Variants in FRMPD3 observed in about 807,000 individuals in gnomAD.
FRMPD3 encodes the protein FERM and PDZ domain-containing protein 3.
FRMPD3 carries 42 observed loss-of-function variants against 97.9 expected under a neutral mutation model. The observed-to-expected ratio is 0.43, with a 90% CI of 0.34 to 0.55. The LOEUF (loss-of-function observed/expected upper bound fraction) is 0.55. Ranked by LOEUF, FRMPD3 falls within the 20% of genes least tolerant of loss-of-function variation. The pLI is 0.03. For synonymous variants in FRMPD3, 577 were observed against 581.1 expected, an observed-to-expected ratio of 0.99 and a Z score of 0.10; for missense variants, 1,303 against 1,457.7, an observed-to-expected ratio of 0.89 and a Z score of 1.73.
chrX:107,572,832 G>A (rs1276041686), intron 12 of FRMPD3, among the ~76,000 whole-genome samples: 1 of 109,097 alleles, frequency 9.2e-6, no homozygotes, highest in Non-Finnish European at 1.9e-5. Flanking sequence ...ATCACTTGAG[G>A]CCAGGAGTTT....
intron 1 of FRMPD3, among the ~76,000 whole-genome samples, chrX:107,483,986 C>T (rs1273359047): frequency 1.8e-5 from 2 of 111,820 alleles, no homozygotes; most frequent in East Asian, 2.8e-4. Flanking sequence ...CTATCAAGAC[C>T]CCACCAGACA....
At chrX:107,497,131 C>T (rs777977924) in intron 1 of FRMPD3, among the ~76,000 whole-genome samples, 2 of 112,537 alleles carry the variant, frequency 1.8e-5, no homozygotes, top group South Asian at 7.4e-4. Context: ...GAGTTGAGTA[C>T]GTTCTGTGAT....
At chrX:107,579,685 C>T (rs185336234) in intron 13 of FRMPD3, among the ~76,000 whole-genome samples, 103 of 111,634 alleles carry the variant, frequency 9.2e-4, no homozygotes, top group African/African-American at 3.3e-3. Context: ...AGAAAAATGC[C>T]AGTTCTCTAT....
At chrX:107,580,098 G>T (rs1923315243) in intron 13 of FRMPD3, among the ~76,000 whole-genome samples, 1 of 111,818 alleles carries the variant, frequency 8.9e-6, no homozygotes, top group African/African-American at 3.2e-5. Flanking sequence ...CTGAGTCAAT[G>T]TCACACAGAC....
Position 107,604,074 on chromosome X carries a change from G to A in FRMPD3, c.*701G>A. The A allele has an allele frequency of 9.1e-6, 1 of 109,538 alleles. No individual in the cohort carries two copies. The highest frequency in any genetic ancestry group is 1.9e-5 in the Non-Finnish European group (1 of 52,467). The allele number at this position is 109,538 out of a possible 1,213,427, so 9.0% of individuals were successfully genotyped here. ...GCAGGGCAGCTCAGTCCACTAGGGA[G>A]CAAGCATCTGGGATCACCCCACTCA... On this transcript the variant is annotated 3_prime_UTR_variant, in exon 15 of 15. Transcript: ENST00000683843.
At chrX:107,465,774 T>C (rs1416188213) in intron 1 of FRMPD3, among the ~76,000 whole-genome samples, 1 of 111,008 alleles carries the variant, frequency 9.0e-6, no homozygotes. Flanking sequence ...CAGTCACTGT[T>C]TAAAGTTTAA....
At chrX:107,539,770 T>A (rs1921205233) in intron 4 of FRMPD3, among the ~76,000 whole-genome samples, 1 of 111,582 alleles carries the variant, frequency 9.0e-6, no homozygotes, top group Admixed American at 9.6e-5. Context: ...ATGTGCTTGG[T>A]ACTAGGGGGA....
intron 1 of FRMPD3, chrX:107,522,549 G>A (rs1431018677): frequency 3.3e-5 from 16 of 484,344 alleles, no homozygotes; most frequent in Non-Finnish European, 5.1e-5. Context: ...GCCCCAGCTG[G>A]GCCACCAATG....
chrX:107,568,168 A>G (rs1350467024), intron 12 of FRMPD3, among the ~76,000 whole-genome samples: 1 of 111,153 alleles, frequency 9.0e-6, no homozygotes, highest in Non-Finnish European at 1.9e-5. Context: ...TAGATTTGAC[A>G]GTCATTTAGT....
At chrX:107,524,169 C>T (rs1922605391) in intron 1 of FRMPD3, among the ~76,000 whole-genome samples, 1 of 112,158 alleles carries the variant, frequency 8.9e-6, no homozygotes, top group African/African-American at 3.2e-5. Context: ...TGAGGCAAGA[C>T]GGCAGCTGCA....
intron 1 of FRMPD3, among the ~76,000 whole-genome samples, chrX:107,514,241 C>T (rs1814316545): frequency 8.9e-6 from 1 of 111,760 alleles, no homozygotes; most frequent in African/African-American, 3.3e-5. Context: ...AAAGAGATCA[C>T]GCAGGGCCTT....
chrX:107,577,320 C>T (rs984052891), intron 13 of FRMPD3, among the ~76,000 whole-genome samples: 3 of 107,696 alleles, frequency 2.8e-5, no homozygotes, highest in African/African-American at 6.7e-5. Context: ...CCCATCTCTA[C>T]CAAAAATACA....
intron 10 of FRMPD3, among the ~76,000 whole-genome samples, chrX:107,561,787 T>C (rs756508769): frequency 9.8e-5 from 11 of 112,635 alleles, no homozygotes; most frequent in Non-Finnish European, 1.5e-4. Flanking sequence ...CATTCCCACC[T>C]TGCTGTGAAT....
chrX:107,578,933 A>T (rs1322584875), intron 13 of FRMPD3, among the ~76,000 whole-genome samples: 1 of 111,327 alleles, frequency 9.0e-6, no homozygotes, highest in Non-Finnish European at 1.9e-5. Context: ...GGAAGGGCAC[A>T]ACTGAGGAGA....
chrX:107,487,248 C>T (rs1324460426), intron 1 of FRMPD3, among the ~76,000 whole-genome samples: 3 of 110,057 alleles, frequency 2.7e-5, no homozygotes, highest in African/African-American at 9.9e-5. Context: ...AGCAAGACTC[C>T]ATCTCAAAAA....
At position 107,601,513 on chromosome X, in the gene FRMPD3, T is replaced by C. The variant is rs949992546; in HGVS notation, c.3474T>C (p.Ser1158=). 6 of 1,170,436 alleles carry C rather than the reference T, an allele frequency of 5.1e-6. No homozygotes were observed. Among genetic ancestry groups the C allele is most frequent in the Non-Finnish European group, 5.7e-6 (5 of 876,274 alleles). ...QPHGHSPSSQ[S]RGQSPSCQPR... ...ATGGCCACAGCCCCAGCAGCCAGTC[T>C]CGAGGTCAGAGCCCCAGCTGCCAAC... Residue 1158 remains serine, a synonymous_variant, in exon 15 of 15, where the codon TCT becomes TCC. Transcript: ENST00000683843.
chrX:107,563,243 G>A, intron 11 of FRMPD3, 43 bp downstream of exon 11: 1 of 1,075,939 alleles, frequency 9.3e-7, no homozygotes, highest in South Asian at 1.9e-5. Flanking sequence ...GGAGCCCCTT[G>A]TTGGCTCTTG....
intron 1 of FRMPD3, among the ~76,000 whole-genome samples, chrX:107,503,773 G>A (rs184976485): frequency 2.7e-4 from 30 of 112,126 alleles, no homozygotes; most frequent in Non-Finnish European, 7.5e-5. Flanking sequence ...GTTGGGGAGA[G>A]CAGTGGCAGC....
At chrX:107,580,625 C>T (rs1245207663) in intron 13 of FRMPD3, among the ~76,000 whole-genome samples, 1 of 111,503 alleles carries the variant, frequency 9.0e-6, no homozygotes, top group African/African-American at 3.3e-5. Context: ...CTGTCTCATA[C>T]GTAGTTAGCA....
Sources: gnomAD v4.1 joint callset for allele counts (sites outside exome capture counted in the v4.1 genomes callset) on GRCh38, gnomAD v4.1.1 for gene constraint, MANE v1.5 for transcripts, NCBI Gene and HGNC (gene_info 2026-07-23, HGNC 2026-07-21) for gene names.